Variants in AUH observed in about 807,000 individuals in gnomAD.
The protein encoded by AUH is methylglutaconyl-CoA hydratase, mitochondrial.
AUH carries 29 observed loss-of-function variants against 42.3 expected under a neutral mutation model. The observed-to-expected ratio is 0.69, with a 90% CI of 0.51 to 0.93. The LOEUF is 0.93. Among genes scored for constraint, AUH ranks in the 40% least tolerant of loss-of-function variants. The pLI is 0.00. For synonymous variants in AUH, 174 were observed against 166.4 expected, an observed-to-expected ratio of 1.05 and a Z score of -0.35; for missense variants, 452 against 438.1, an observed-to-expected ratio of 1.03 and a Z score of -0.28.
intron 3 of AUH, among the ~76,000 whole-genome samples, chr9:91,327,677 T>C (rs1220565706): frequency 6.6e-6 from 1 of 152,222 alleles, no homozygotes; most frequent in Non-Finnish European, 1.5e-5. Context: ...ATGAAAGGGC[T>C]GTGATGCCCC....
At chr9:91,255,196 G>C (rs191698343) in intron 6 of AUH, among the ~76,000 whole-genome samples, 113 of 152,210 alleles carry the variant, frequency 7.4e-4, no homozygotes, top group Non-Finnish European at 3.4e-4. Context: ...GTTAAATGTT[G>C]GCATGATATT....
chr9:91,280,566 CATAA>C (rs765421136), intron 6 of AUH, among the ~76,000 whole-genome samples: 29 of 152,236 alleles, frequency 1.9e-4, no homozygotes, highest in African/African-American at 6.0e-4. Context: ...AATTTGAACA[CATAA>C]ATAAAGCTAA....
chr9:91,335,536 T>A (rs946230435), intron 3 of AUH, among the ~76,000 whole-genome samples: 3 of 152,226 alleles, frequency 2.0e-5, no homozygotes, highest in Admixed American at 6.5e-5. Context: ...GTGTTTTCCA[T>A]GTCATTAGTT....
At chr9:91,243,257 A>T (rs1828615863) in intron 6 of AUH, among the ~76,000 whole-genome samples, 1 of 152,232 alleles carries the variant, frequency 6.6e-6, no homozygotes, top group Non-Finnish European at 1.5e-5. Context: ...CCTGAGACCC[A>T]TAGCTCCTTA....
chr9:91,249,571 T>C (rs949482730), intron 6 of AUH, among the ~76,000 whole-genome samples: 1 of 152,156 alleles, frequency 6.6e-6, no homozygotes, highest in Non-Finnish European at 1.5e-5. Flanking sequence ...TTTCAAAGCA[T>C]ACTTAATACT....
intron 6 of AUH, among the ~76,000 whole-genome samples, chr9:91,222,604 C>T (rs1827195915): frequency 6.6e-6 from 1 of 152,144 alleles, no homozygotes; most frequent in Admixed American, 6.5e-5. Flanking sequence ...TGATGTTGCT[C>T]AGTGTAGTAA....
At chr9:91,314,289 G>C (rs1222699640) in intron 4 of AUH, among the ~76,000 whole-genome samples, 1 of 151,984 alleles carries the variant, frequency 6.6e-6, no homozygotes, top group African/African-American at 2.4e-5. Context: ...AGGATCACTT[G>C]AGTCAAGGAG....
chr9:91,356,030 A>T, intron 2 of AUH, 58 bp downstream of exon 2: 1 of 1,595,790 alleles, frequency 6.3e-7, no homozygotes, highest in Admixed American at 1.7e-5. Context: ...ACATTTTTAC[A>T]TTGATGACAA....
At chr9:91,312,751 T>A (rs916290970) in intron 4 of AUH, among the ~76,000 whole-genome samples, 1 of 152,078 alleles carries the variant, frequency 6.6e-6, no homozygotes, top group African/African-American at 2.4e-5. Context: ...AAAAAAAAAT[T>A]CCTGAAAATT....
chr9:91,346,385 T>C lies in AUH; in HGVS notation c.418+9498A>G, dbSNP rs530531775. On this transcript the variant is annotated intron_variant, in intron 3 of 9. Transcript: ENST00000375731. Reference sequence around the variant, plus strand: ...GGGAGCTCCCAGGTTAGTGAACACATGGATGTGCTGGGTAAGTGGCACACC... The same window carrying C: ...GGGAGCTCCCAGGTTAGTGAACACACGGATGTGCTGGGTAAGTGGCACACC... Among the ~76,000 whole-genome samples the C allele has an allele frequency of 2.0e-5, 3 of 152,282 alleles. No individual in the cohort carries two copies. In the East Asian group the frequency reaches 5.8e-4, roughly 29 times the overall value.
intron 3 of AUH, among the ~76,000 whole-genome samples, chr9:91,344,930 A>T (rs1296763120): frequency 6.6e-6 from 1 of 152,190 alleles, no homozygotes; most frequent in Non-Finnish European, 1.5e-5. Context: ...ATCATTCACC[A>T]TATTGACAGG....
chr9:91,330,981 C>T (rs1042748940), intron 3 of AUH, among the ~76,000 whole-genome samples: 3 of 152,122 alleles, frequency 2.0e-5, no homozygotes, highest in African/African-American at 7.2e-5. Flanking sequence ...GAATTATGTG[C>T]TTTTAATTTG....
At chr9:91,270,893 T>C (rs1050878777) in intron 6 of AUH, among the ~76,000 whole-genome samples, 2 of 152,096 alleles carry the variant, frequency 1.3e-5, no homozygotes, top group Admixed American at 6.5e-5. Flanking sequence ...CAGTTGGAGG[T>C]TGCTACTGCC....
At chr9:91,294,093 A>G (rs770751975) in intron 6 of AUH, among the ~76,000 whole-genome samples, 6 of 152,258 alleles carry the variant, frequency 3.9e-5, no homozygotes, top group Non-Finnish European at 8.8e-5. Context: ...ACTGCTCAAA[A>G]AAAAGAGTTC....
At chr9:91,233,362 G>C (rs1366847221) in intron 6 of AUH, among the ~76,000 whole-genome samples, 1 of 152,172 alleles carries the variant, frequency 6.6e-6, no homozygotes, top group African/African-American at 2.4e-5. Context: ...AGCACAAGGA[G>C]GTCCAGTGTG....
Position 91,298,065 on chromosome 9 carries a change from C to CT in AUH, c.516dup (p.Val173SerfsTer17). On this transcript the variant is annotated frameshift_variant, in exon 5 of 10. Coordinates refer to ENST00000375731, the MANE Select transcript of AUH (RefSeq NM_001698.3). LOFTEE classifies it high-confidence loss of function. The stretch of plus-strand genomic sequence containing the variant: ...CCATCTATTGCTGCAATTGTTGGTA[C>CT]TGGAAGATTAGCTGAAATGGAAAGA... 2 of 1,613,558 alleles carry CT rather than the reference C, an allele frequency of 1.2e-6. No individual in the cohort carries two copies. The highest frequency in any genetic ancestry group is 1.7e-6 in the Non-Finnish European group (2 of 1,179,536).
chr9:91,224,518 T>G (rs769141755), intron 6 of AUH, among the ~76,000 whole-genome samples: 6 of 152,186 alleles, frequency 3.9e-5, no homozygotes, highest in Non-Finnish European at 5.9e-5. Context: ...TCCAAGAAAT[T>G]ATTGCCAAAT....
chr9:91,268,703 T>C (rs1417349813), intron 6 of AUH, among the ~76,000 whole-genome samples: 1 of 152,158 alleles, frequency 6.6e-6, no homozygotes, highest in African/African-American at 2.4e-5. Context: ...GTGCTAAGAT[T>C]ACAGGCGTGA....
At chr9:91,274,079 A>G (rs1462691448) in intron 6 of AUH, among the ~76,000 whole-genome samples, 1 of 152,158 alleles carries the variant, frequency 6.6e-6, no homozygotes, top group African/African-American at 2.4e-5. Flanking sequence ...TGCCTATTGA[A>G]AAGCAAACTA....
Sources: gnomAD v4.1 joint callset for allele counts (sites outside exome capture counted in the v4.1 genomes callset) on GRCh38, gnomAD v4.1.1 for gene constraint, MANE v1.5 for transcripts, NCBI Gene and HGNC (gene_info 2026-07-23, HGNC 2026-07-21) for gene names.